The following NUBPL variants were observed in gnomAD, a reference collection of about 807,000 sequenced individuals.
NUBPL encodes NUBP iron-sulfur cluster assembly factor, mitochondrial.
In NUBPL, 31 loss-of-function variants were observed where a neutral mutation model predicts 45.7. That is an observed-to-expected ratio of 0.68 (90% confidence interval 0.51 to 0.92). NUBPL has a LOEUF of 0.92. NUBPL is among the 40% of genes least tolerant of loss of function. The pLI is 0.00. For synonymous variants in NUBPL, 144 were observed against 140.9 expected (o/e 1.02, Z -0.15); for missense variants, 401 against 398.7 (o/e 1.01, Z -0.05).
At chr14:31,633,328 C>T (rs978935142) in intron 4 of NUBPL, among the ~76,000 whole-genome samples, 5 of 152,118 alleles carry the variant, frequency 3.3e-5, no homozygotes, top group South Asian at 2.1e-4. Context: ...AAACATATAA[C>T]GTATTCTAAA....
At chr14:31,639,231 T>G (rs561852749) in intron 4 of NUBPL, among the ~76,000 whole-genome samples, 19 of 152,260 alleles carry the variant, frequency 1.2e-4, no homozygotes, top group Admixed American at 1.2e-3. Flanking sequence ...CTACTTTTGG[T>G]CTTTGATGAT....
At chr14:31,572,721 G>A (rs1566420805) in intron 3 of NUBPL, among the ~76,000 whole-genome samples, 1 of 152,070 alleles carries the variant, frequency 6.6e-6, no homozygotes, top group East Asian at 1.9e-4. Flanking sequence ...TATGATGGGG[G>A]TACCTTCTCA....
intron 4 of NUBPL, among the ~76,000 whole-genome samples, chr14:31,664,641 AT>A (rs1271271507): frequency 6.6e-6 from 1 of 152,152 alleles, no homozygotes; most frequent in East Asian, 1.9e-4. Flanking sequence ...GTGTGACAGC[AT>A]TTTATTGAGG....
chr14:31,822,701 C>CA lies in NUBPL; in HGVS notation c.608-3920dup, dbSNP rs536471707. ...CCCATATATTTCTACAAATAGTAGA[C>CA]AAAAAAAATTTTACACCAAAAAAAA... is the stretch of plus-strand genomic sequence containing the variant. On this transcript the variant is annotated intron_variant, in intron 7 of 10. Coordinates refer to ENST00000281081, the MANE Select transcript of NUBPL (RefSeq NM_025152.3). 2.0e-5 allele frequency among the ~76,000 whole-genome samples: 3 copies of CA among 151,650 alleles called. No homozygotes were observed. The East Asian group carries it at 5.8e-4, about 29-fold the overall frequency.
At chr14:31,753,037 A>G (rs1435772930) in intron 6 of NUBPL, among the ~76,000 whole-genome samples, 1 of 152,200 alleles carries the variant, frequency 6.6e-6, no homozygotes, top group Non-Finnish European at 1.5e-5. Context: ...ATCATCTACC[A>G]ATGGGTGGGG....
intron 6 of NUBPL, among the ~76,000 whole-genome samples, chr14:31,687,709 T>G (rs1462932747): frequency 6.6e-6 from 1 of 152,188 alleles, no homozygotes; most frequent in Non-Finnish European, 1.5e-5. Flanking sequence ...TTTCATGTAT[T>G]TTTCATTGTG....
chr14:31,740,676 C>T (rs1042687292), intron 6 of NUBPL, among the ~76,000 whole-genome samples: 3 of 152,150 alleles, frequency 2.0e-5, no homozygotes, highest in Admixed American at 2.0e-4. Flanking sequence ...CTTATCAATA[C>T]GTTCTCTCAT....
chr14:31,625,478 T>C (rs976921737), intron 4 of NUBPL, among the ~76,000 whole-genome samples: 19 of 68,548 alleles, frequency 2.8e-4, no homozygotes, highest in Non-Finnish European at 5.4e-4. Context: ...CTTTTCTTTC[T>C]TTTTTTTTTT....
intron 6 of NUBPL, among the ~76,000 whole-genome samples, chr14:31,684,526 C>T (rs1445503391): frequency 3.9e-5 from 6 of 152,164 alleles, no homozygotes; most frequent in Non-Finnish European, 7.3e-5. Flanking sequence ...GAATACAGAT[C>T]GGAAAGCTGC....
At position 31,855,736 on chromosome 14, in the gene NUBPL, G is replaced by A. The variant is rs561234065; in HGVS notation, c.898-3382G>A. On this transcript the variant is annotated intron_variant, in intron 10 of 10. Coordinates refer to ENST00000281081, the MANE Select transcript of NUBPL (RefSeq NM_025152.3). ...ATAGTCTTTAAAAATGAAGACATGC[G>A]AAACACTCTTAAAGCACTTCATCAA... Among the ~76,000 whole-genome samples, 19 of 151,760 alleles carry A rather than the reference G, an allele frequency of 1.3e-4. 1 individual carries two copies. In the South Asian group the frequency reaches 2.1e-3, roughly 17 times the overall value.
In NUBPL at chr14:31,755,032, C is replaced by A. The variant is rs538629335; in HGVS notation, c.514-32748C>A. Among the ~76,000 whole-genome samples, 453 of 151,860 alleles carry A rather than the reference C, an allele frequency of 3.0e-3. 3 individuals are homozygous for A. The highest frequency in any genetic ancestry group is 9.9e-3 in the African/African-American group (408 of 41,400). On this transcript the variant is annotated intron_variant, in intron 6 of 10. Transcript: ENST00000281081. ...GTCCCTACAAAGGACATGAACTCATCGTTTTTTATGGCTGCATAGTATTCC... is the reference window on the plus strand; with the variant it reads ...GTCCCTACAAAGGACATGAACTCATAGTTTTTTATGGCTGCATAGTATTCC...
At chr14:31,626,410 G>T (rs2035209051) in intron 4 of NUBPL, among the ~76,000 whole-genome samples, 1 of 152,210 alleles carries the variant, frequency 6.6e-6, no homozygotes, top group Non-Finnish European at 1.5e-5. Flanking sequence ...AAAGTGCTGG[G>T]ATTATAGGCA....
chr14:31,684,794 G>A (rs539153621), intron 6 of NUBPL, among the ~76,000 whole-genome samples: 40 of 152,168 alleles, frequency 2.6e-4, no homozygotes, highest in Non-Finnish European at 4.0e-4. Flanking sequence ...ATTTGTTGAT[G>A]TTATAATGGG....
rs570952847 is a variant in NUBPL at position 31,589,188 on chromosome 14, A to G, written c.292-10101A>G. On this transcript the variant is annotated intron_variant, in intron 3 of 10. Coordinates refer to ENST00000281081, the MANE Select transcript of NUBPL (RefSeq NM_025152.3). ...TATTATTTACCTGGGCTTAGATGCT[A>G]ACATTTTTATAGCATCATTTTCTAG... 3.3e-5 allele frequency among the ~76,000 whole-genome samples: 5 copies of G among 152,246 alleles called. No individual in the cohort carries two copies. In the East Asian group the frequency reaches 7.7e-4, roughly 23 times the overall value.
chr14:31,747,999 T>A (rs2038438224), intron 6 of NUBPL, among the ~76,000 whole-genome samples: 1 of 152,154 alleles, frequency 6.6e-6, no homozygotes, highest in Non-Finnish European at 1.5e-5. Context: ...ATAGGTTGTA[T>A]TTTTTTGTAT....
chr14:31,752,134 C>G (rs12886605), intron 6 of NUBPL, among the ~76,000 whole-genome samples: 1 of 152,156 alleles, frequency 6.6e-6, no homozygotes, highest in Non-Finnish European at 1.5e-5. Flanking sequence ...AGACATTCTC[C>G]CCATTGTCTT....
chr14:31,624,247 G>C (rs550235145), intron 4 of NUBPL, among the ~76,000 whole-genome samples: 1 of 152,302 alleles, frequency 6.6e-6, no homozygotes, highest in East Asian at 1.9e-4. Context: ...TTGATTTTCT[G>C]AGTTGGATGA....
At chr14:31,694,980 G>C (rs2037181689) in intron 6 of NUBPL, among the ~76,000 whole-genome samples, 1 of 152,198 alleles carries the variant, frequency 6.6e-6, no homozygotes. Context: ...AGATATGCTA[G>C]AAGTTTTGAT....
intron 6 of NUBPL, among the ~76,000 whole-genome samples, chr14:31,766,579 A>G (rs2038916603): frequency 6.6e-6 from 1 of 152,130 alleles, no homozygotes; most frequent in Non-Finnish European, 1.5e-5. Context: ...AGTAATACCC[A>G]TTTACTATAA....
Sources: allele counts gnomAD v4.1 joint callset (sites outside exome capture counted in the v4.1 genomes callset), GRCh38; gene constraint gnomAD v4.1.1; transcripts MANE v1.5; gene names NCBI Gene and HGNC (gene_info 2026-07-23, HGNC 2026-07-21).